HSF5: variants seen among roughly 807,000 people sequenced by gnomAD.
HSF5 encodes the protein heat shock factor protein 5.
Under a neutral mutation model 50.8 loss-of-function variants are expected in HSF5, and 5 were observed. That is an observed-to-expected ratio of 0.10 (90% confidence interval 0.05 to 0.21). The LOEUF (loss-of-function observed/expected upper bound fraction) is 0.21, where lower values mean the gene tolerates loss of function less well. Ranked by LOEUF, HSF5 falls within the 10% of genes least tolerant of loss-of-function variation. HSF5 has a pLI of 1.00. For missense variants in HSF5, 564 were observed against 762.6 expected, an observed-to-expected ratio of 0.74 and a Z score of 3.07; for synonymous variants, 307 against 307.4, an observed-to-expected ratio of 1.00 and a Z score of 0.02.
intron 5 of HSF5, among the ~76,000 whole-genome samples, chr17:58,431,265 G>A (rs1257606251): frequency 1.3e-5 from 2 of 151,974 alleles, no homozygotes; most frequent in South Asian, 2.1e-4. Flanking sequence ...GTGTGAAATC[G>A]GACTAACACA....
At chr17:58,460,892 C>T (rs1393351270) in intron 4 of HSF5, among the ~76,000 whole-genome samples, 1 of 150,088 alleles carries the variant, frequency 6.7e-6, no homozygotes, top group Non-Finnish European at 1.5e-5. Flanking sequence ...TATGAAGGAA[C>T]AAAGACAAAT....
chr17:58,460,548 C>A (rs966260766), intron 4 of HSF5, among the ~76,000 whole-genome samples: 1 of 149,638 alleles, frequency 6.7e-6, no homozygotes, highest in Non-Finnish European at 1.5e-5. Context: ...CTCGCTCTGT[C>A]GCCCAGGCTG....
intron 4 of HSF5, among the ~76,000 whole-genome samples, chr17:58,460,629 C>T (rs935990867): frequency 2.0e-5 from 3 of 151,648 alleles, no homozygotes; most frequent in Non-Finnish European, 2.9e-5. Flanking sequence ...CCTGCCTCAG[C>T]CTCCCGAGTA....
chr17:58,436,086 G>A (rs1974424146), intron 5 of HSF5, among the ~76,000 whole-genome samples: 1 of 152,046 alleles, frequency 6.6e-6, no homozygotes, highest in Non-Finnish European at 1.5e-5. Context: ...CACGTCCAAG[G>A]TCACACAGTA....
chr17:58,459,580 G>C (rs866814353), intron 4 of HSF5, among the ~76,000 whole-genome samples: 8 of 151,158 alleles, frequency 5.3e-5, no homozygotes, highest in Middle Eastern at 3.4e-3. Context: ...CCAGGAGATG[G>C]AGGTTGCAGT....
chr17:58,435,970 C>T (rs1247156337), intron 5 of HSF5, among the ~76,000 whole-genome samples: 4 of 150,764 alleles, frequency 2.7e-5, no homozygotes. Flanking sequence ...GTATGGACTA[C>T]TTACTATGTA....
rs551912178 is a variant in HSF5 at position 58,481,565 on chromosome 17, A to G, written c.551-1298T>C. 2.6e-5 allele frequency among the ~76,000 whole-genome samples: 4 copies of G among 152,380 alleles called. No homozygotes were observed. The South Asian group carries it at 8.3e-4, about 32-fold the overall frequency. ...AAGCTAATCTGTAAAACGGAGGGAA[A>G]ACTTATTATGTGCTACTCAAGTATT... On this transcript the variant is annotated intron_variant, in intron 1 of 5. Transcript: ENST00000323777.
intron 2 of HSF5, among the ~76,000 whole-genome samples, chr17:58,477,724 T>C (rs542148954): frequency 1.3e-5 from 2 of 152,136 alleles, no homozygotes; most frequent in Admixed American, 1.3e-4. Flanking sequence ...CCTCCCAAAG[T>C]GTTGGGATTA....
intron 5 of HSF5, among the ~76,000 whole-genome samples, chr17:58,454,424 C>G (rs1974682128): frequency 1.3e-5 from 2 of 152,056 alleles, no homozygotes; most frequent in South Asian, 4.2e-4. Context: ...AGATCTGGAA[C>G]AAGCCAAGAA....
chr17:58,486,052 C>A (rs553849934), intron 1 of HSF5, among the ~76,000 whole-genome samples: 94 of 146,926 alleles, frequency 6.4e-4, no homozygotes, highest in African/African-American at 2.3e-3. Context: ...CTGGGCAACA[C>A]AGTGAGACTT....
Position 58,488,345 on chromosome 17 carries a change from T to A in HSF5, c.-71A>T. The A allele has an allele frequency of 7.3e-7, 1 of 1,366,576 alleles. No homozygotes were observed. Among genetic ancestry groups the A allele is most frequent in the South Asian group, 1.8e-5 (1 of 57,116 alleles). 84.7% of individuals were successfully genotyped at this position (1,366,576 alleles called of 1,614,324 possible). On this transcript the variant is annotated 5_prime_UTR_variant, in exon 1 of 6. In the 5' UTR this introduces an upstream ATG that the reference lacks. Coordinates refer to ENST00000323777, the MANE Select transcript of HSF5 (RefSeq NM_001080439.3). The surrounding 1 kb of genome is among the most constrained non-coding windows in gnomAD (Gnocchi z 4.1). ...CACCGTTCTCGATCCCTCCCCGGCC[T>A]TCGCCTCGCCCTGCCCGCTCCTGCC... is the stretch of plus-strand genomic sequence containing the variant.
intron 1 of HSF5, among the ~76,000 whole-genome samples, chr17:58,486,695 T>C (rs142230475): frequency 6.6e-6 from 1 of 152,304 alleles, no homozygotes; most frequent in Non-Finnish European, 1.5e-5. Flanking sequence ...TGTATCGTTG[T>C]ATTTTTGCTC....
intron 1 of HSF5, among the ~76,000 whole-genome samples, chr17:58,483,828 G>C (rs1975131592): frequency 6.6e-6 from 1 of 152,148 alleles, no homozygotes; most frequent in Non-Finnish European, 1.5e-5. Flanking sequence ...CTAAATAAAA[G>C]AACTAGGTCC....
intron 2 of HSF5, among the ~76,000 whole-genome samples, chr17:58,478,864 CAA>C (rs11363228): frequency 7.8e-4 from 74 of 95,364 alleles, no homozygotes; most frequent in African/African-American, 1.3e-3. Context: ...ACTCCATCTC[CAA>C]AAAAAAAAAA....
chr17:58,455,115 G>A (rs1271221500), intron 5 of HSF5, among the ~76,000 whole-genome samples: 4 of 152,048 alleles, frequency 2.6e-5, no homozygotes, highest in Admixed American at 2.6e-4. Flanking sequence ...GCATGGTACA[G>A]GCATAAAAAT....
intron 5 of HSF5, among the ~76,000 whole-genome samples, chr17:58,449,951 A>G (rs1974611603): frequency 6.9e-6 from 1 of 144,188 alleles, no homozygotes; most frequent in African/African-American, 2.6e-5. Flanking sequence ...TGAACCCGGG[A>G]GACGGAGCTT....
At chr17:58,465,483 C>A (rs1440871890) in intron 3 of HSF5, among the ~76,000 whole-genome samples, 1 of 152,058 alleles carries the variant, frequency 6.6e-6, no homozygotes, top group East Asian at 1.9e-4. Flanking sequence ...ATAGGTATGT[C>A]CCTCCAGTGA....
At chr17:58,483,965 A>G (rs769605874) in intron 1 of HSF5, among the ~76,000 whole-genome samples, 3 of 152,198 alleles carry the variant, frequency 2.0e-5, no homozygotes, top group Admixed American at 2.0e-4. Context: ...ATTCGAGAAG[A>G]AGAAAAATGA....
chr17:58,421,315 G>C lies in HSF5; in HGVS notation c.*1045C>G, dbSNP rs1053239636. On this transcript the variant is annotated 3_prime_UTR_variant, in exon 6 of 6. Transcript: ENST00000323777. ...TTGAAACCATTCTTTAAAAATCAGAGGCATAGCTTCTACTAAATGGCTGCT... is the reference window on the plus strand; with the variant it reads ...TTGAAACCATTCTTTAAAAATCAGACGCATAGCTTCTACTAAATGGCTGCT... 2 of 152,492 alleles carry C rather than the reference G, an allele frequency of 1.3e-5. No individual in the cohort carries two copies. The highest frequency in any genetic ancestry group is 4.8e-5 in the African/African-American group (2 of 41,396). The allele number at this position is 152,492 out of a possible 1,614,324, so 9.4% of individuals were successfully genotyped here. A position where few individuals can be genotyped will look rare whatever the true frequency, so the allele number is the denominator to read the frequency against.
Sources: gnomAD v4.1 joint callset for allele counts (sites outside exome capture counted in the v4.1 genomes callset) on GRCh38, gnomAD v4.1.1 for gene constraint, Gnocchi (gnomAD v3.1) non-coding constraint, MANE v1.5 for transcripts, NCBI Gene and HGNC (gene_info 2026-07-23, HGNC 2026-07-21) for gene names.